The following FBXO34 variants were observed in gnomAD, a reference collection of about 807,000 sequenced individuals.
FBXO34 encodes the protein F-box protein 34.
Under a neutral mutation model 24.5 loss-of-function variants are expected in FBXO34, and 12 were observed. The ratio of observed to expected loss-of-function variants is 0.49; its 90% CI spans 0.31 to 0.79. The LOEUF (loss-of-function observed/expected upper bound fraction) is 0.79. Among genes scored for constraint, FBXO34 ranks in the 30% least tolerant of loss-of-function variants. FBXO34 has a pLI of 0.04. For synonymous variants in FBXO34, 320 were observed against 311.9 expected, an observed-to-expected ratio of 1.03 and a Z score of -0.27; for missense variants, 823 against 857.7, an observed-to-expected ratio of 0.96 and a Z score of 0.51.
chr14:55,319,287 A>T (rs1484053831), intron 1 of FBXO34, among the ~76,000 whole-genome samples: 1 of 152,238 alleles, frequency 6.6e-6, no homozygotes, highest in African/African-American at 2.4e-5. Flanking sequence ...CCTATCATAC[A>T]GTGTACATGT....
chr14:55,425,196 A>G, the FBXO34 span, among the ~76,000 whole-genome samples: 1 of 152,180 alleles, frequency 6.6e-6, no homozygotes, highest in Admixed American at 6.5e-5. Flanking sequence ...ATAGGAGGTC[A>G]TTGTGGGTGG....
At chr14:55,420,782 G>A in the FBXO34 span, among the ~76,000 whole-genome samples, 3 of 152,124 alleles carry the variant, frequency 2.0e-5, no homozygotes, top group South Asian at 6.2e-4. Flanking sequence ...TTTGGGGGTT[G>A]GGTGCGGTGG....
the FBXO34 span, chr14:55,411,633 A>T: frequency 1.1e-5 from 17 of 1,612,686 alleles, no homozygotes; most frequent in Non-Finnish European, 1.4e-5. Flanking sequence ...AAGTAGACGA[A>T]ATCGCCGCTC....
chr14:55,356,135 A>C (rs1310568827), downstream of FBXO34, among the ~76,000 whole-genome samples: 1 of 152,160 alleles, frequency 6.6e-6, no homozygotes, highest in African/African-American at 2.4e-5. Context: ...ACCGCTTCTA[A>C]CTTGGACTTG....
At chr14:55,441,763 C>A in the FBXO34 span, among the ~76,000 whole-genome samples, 4 of 151,844 alleles carry the variant, frequency 2.6e-5, no homozygotes, top group African/African-American at 4.8e-5. Flanking sequence ...ATAATTGATA[C>A]CTTTTTTCTT....
chr14:55,346,463 G>C (rs945758242), intron 1 of FBXO34, among the ~76,000 whole-genome samples: 32 of 152,222 alleles, frequency 2.1e-4, no homozygotes, highest in African/African-American at 7.5e-4. Flanking sequence ...TTAACTAGTA[G>C]TGTTGATTTT....
At chr14:55,324,154 C>A (rs1883264059) in intron 1 of FBXO34, among the ~76,000 whole-genome samples, 1 of 151,318 alleles carries the variant, frequency 6.6e-6, no homozygotes, top group African/African-American at 2.4e-5. Flanking sequence ...AGAATTGCTT[C>A]TTCTGGACAC....
At chr14:55,371,131 G>A (rs1160324554), downstream of FBXO34, among the ~76,000 whole-genome samples, 9 of 152,188 alleles carry the variant, frequency 5.9e-5, no homozygotes, top group African/African-American at 1.7e-4. Context: ...ATAAGCACAC[G>A]ATGCCTTGGT....
downstream of FBXO34, among the ~76,000 whole-genome samples, chr14:55,365,757 C>T (rs745454006): frequency 2.6e-5 from 4 of 152,114 alleles, no homozygotes; most frequent in African/African-American, 9.7e-5. Flanking sequence ...CCTCCTGTTG[C>T]CTGCCAGCCT....
At chr14:55,428,213 T>TCC in the FBXO34 span, among the ~76,000 whole-genome samples, 1 of 133,232 alleles carries the variant, frequency 7.5e-6, no homozygotes. Flanking sequence ...CACTGCAAGC[T>TCC]CCACCTCCTG....
chr14:55,287,521 A>G (rs1881802814), intron 1 of FBXO34, among the ~76,000 whole-genome samples: 1 of 152,260 alleles, frequency 6.6e-6, no homozygotes, highest in South Asian at 2.1e-4. Flanking sequence ...GCACAATAGC[A>G]TCACCAGAAT....
the FBXO34 span, among the ~76,000 whole-genome samples, chr14:55,425,619 T>C: frequency 1.3e-5 from 2 of 152,144 alleles, no homozygotes; most frequent in Non-Finnish European, 2.9e-5. Flanking sequence ...TTCACAAAGA[T>C]TGAGAATATC....
At chr14:55,300,824 A>G (rs964803134) in intron 1 of FBXO34, among the ~76,000 whole-genome samples, 1 of 152,218 alleles carries the variant, frequency 6.6e-6, no homozygotes, top group Non-Finnish European at 1.5e-5. Flanking sequence ...TATTTTAGGT[A>G]TCTTCCCCAG....
chr14:55,406,612 G>A, the FBXO34 span, among the ~76,000 whole-genome samples: 1 of 152,286 alleles, frequency 6.6e-6, no homozygotes, highest in Admixed American at 6.5e-5. Context: ...AGTGCCCAAT[G>A]AGAGCTCATT....
At chr14:55,440,637 G>C in the FBXO34 span, 5 of 1,386,598 alleles carry the variant, frequency 3.6e-6, no homozygotes, top group Non-Finnish European at 4.8e-6. Flanking sequence ...GCTTGGAGCG[G>C]GATGCGGAAC....
intron 1 of FBXO34, chr14:55,299,111 A>G (rs1882250176): frequency 7.6e-7 from 1 of 1,321,768 alleles, no homozygotes; most frequent in Non-Finnish European, 1.1e-6. Context: ...TGGCGGAATT[A>G]GAAGAACTAG....
At chr14:55,363,828 C>A (rs901340087), downstream of FBXO34, among the ~76,000 whole-genome samples, 5 of 151,364 alleles carry the variant, frequency 3.3e-5, no homozygotes, top group Non-Finnish European at 7.4e-5. Context: ...CCAATGTGGC[C>A]CACAGAAGCC....
chr14:55,387,762 G>A, the FBXO34 span, among the ~76,000 whole-genome samples: 5 of 151,630 alleles, frequency 3.3e-5, no homozygotes, highest in East Asian at 5.9e-4. Flanking sequence ...TCCGCCTCCC[G>A]GGTTCAATTG....
chr14:55,308,547 A>G (rs560759034), intron 1 of FBXO34, among the ~76,000 whole-genome samples: 22 of 152,342 alleles, frequency 1.4e-4, no homozygotes, highest in African/African-American at 5.0e-4. Flanking sequence ...CACAGAAACT[A>G]TAATAGGTTT....
Sources: gnomAD v4.1 joint callset for allele counts (sites outside exome capture counted in the v4.1 genomes callset) on GRCh38, gnomAD v4.1.1 for gene constraint, MANE v1.5 for transcripts, NCBI Gene and HGNC (gene_info 2026-07-23, HGNC 2026-07-21) for gene names.